PIK3C2G: variants seen among roughly 807,000 people sequenced by gnomAD.
PIK3C2G encodes phosphatidylinositol 3-kinase C2 domain-containing subunit gamma.
Under a neutral mutation model 181.1 loss-of-function variants are expected in PIK3C2G, and 168 were observed. The observed-to-expected ratio is 0.93, with a 90% confidence interval of 0.82 to 1.05. The LOEUF (loss-of-function observed/expected upper bound fraction) is 1.05, where lower values mean the gene tolerates loss of function less well. Among genes scored for constraint, PIK3C2G ranks in the 50% least tolerant of loss-of-function variants. The pLI, the probability that PIK3C2G is intolerant of heterozygous loss-of-function variation, is 0.00. For synonymous variants in PIK3C2G, 573 were observed against 592.2 expected, an observed-to-expected ratio of 0.97 and a Z score of 0.47; for missense variants, 1,869 against 1,732.8, an observed-to-expected ratio of 1.08 and a Z score of -1.40.
intron 29 of PIK3C2G, among the ~76,000 whole-genome samples, chr12:18,574,407 T>C (rs1021106515): frequency 2.6e-5 from 4 of 152,208 alleles, no homozygotes; most frequent in Admixed American, 1.3e-4. Flanking sequence ...AAAACTTATC[T>C]GTAACATTCA....
intron 5 of PIK3C2G, among the ~76,000 whole-genome samples, chr12:18,301,446 G>C (rs2137289283): frequency 6.6e-6 from 1 of 152,076 alleles, no homozygotes; most frequent in East Asian, 1.9e-4. Flanking sequence ...TATTTCAAAA[G>C]ACCTATTATG....
At chr12:18,692,451 C>T in the PIK3C2G span, among the ~76,000 whole-genome samples, 4 of 152,044 alleles carry the variant, frequency 2.6e-5, no homozygotes, top group South Asian at 6.2e-4. Context: ...AAAAGAAAAA[C>T]GTTTTGAAAA....
the PIK3C2G span, among the ~76,000 whole-genome samples, chr12:18,656,176 C>T: frequency 6.2e-4 from 94 of 152,278 alleles, 1 homozygote; most frequent in Admixed American, 2.0e-3. Flanking sequence ...CACCTGTAAT[C>T]CCAGCACTTT....
chr12:18,461,636 C>T (rs1947923700), intron 18 of PIK3C2G, among the ~76,000 whole-genome samples: 1 of 152,152 alleles, frequency 6.6e-6, no homozygotes, highest in African/African-American at 2.4e-5. Context: ...TTAATAGTGT[C>T]TAATTGTTGA....
chr12:18,257,580 C>G (rs1055525125), upstream of PIK3C2G, among the ~76,000 whole-genome samples: 4 of 151,140 alleles, frequency 2.6e-5, no homozygotes, highest in African/African-American at 9.7e-5. Flanking sequence ...AGAATAGATA[C>G]TGCAGTATTG....
At chr12:18,569,369 C>T (rs1272052982) in intron 29 of PIK3C2G, among the ~76,000 whole-genome samples, 1 of 151,912 alleles carries the variant, frequency 6.6e-6, no homozygotes, top group African/African-American at 2.4e-5. Context: ...AGCAGAACAC[C>T]CAGCTGAGCC....
chr12:18,253,058 A>T (rs1948110421), intron 1 of PIK3C2G, among the ~76,000 whole-genome samples: 1 of 152,168 alleles, frequency 6.6e-6, no homozygotes. Context: ...TTCAAAACTC[A>T]TCAAGCTGTG....
At chr12:18,423,299 A>T (rs1355609050) in intron 17 of PIK3C2G, among the ~76,000 whole-genome samples, 2 of 152,102 alleles carry the variant, frequency 1.3e-5, no homozygotes, top group Non-Finnish European at 2.9e-5. Flanking sequence ...TGATGATAGC[A>T]GCTCAGCTAC....
intron 11 of PIK3C2G, among the ~76,000 whole-genome samples, chr12:18,350,749 C>G (rs1440597537): frequency 6.6e-6 from 1 of 152,118 alleles, no homozygotes; most frequent in Non-Finnish European, 1.5e-5. Context: ...ACATAATGGA[C>G]TCTGAATCAA....
chr12:18,303,037 G>A (rs1018658574), intron 5 of PIK3C2G, among the ~76,000 whole-genome samples: 8 of 152,166 alleles, frequency 5.3e-5, no homozygotes, highest in African/African-American at 1.9e-4. Flanking sequence ...ACACACAGAT[G>A]CAGTAGGCTG....
intron 16 of PIK3C2G, among the ~76,000 whole-genome samples, chr12:18,404,234 G>A (rs1461285076): frequency 3.9e-5 from 6 of 152,010 alleles, no homozygotes; most frequent in Non-Finnish European, 8.8e-5. Context: ...TAGAAAGAAT[G>A]GAATATGGCA....
At chr12:18,506,270 G>A (rs1429022989) in intron 24 of PIK3C2G, among the ~76,000 whole-genome samples, 1 of 152,136 alleles carries the variant, frequency 6.6e-6, no homozygotes, top group Non-Finnish European at 1.5e-5. Flanking sequence ...AGAGGGGCGG[G>A]CAGTAGGAGG....
At chr12:18,471,197 C>T (rs1201876182) in intron 18 of PIK3C2G, among the ~76,000 whole-genome samples, 2 of 152,082 alleles carry the variant, frequency 1.3e-5, no homozygotes, top group African/African-American at 4.8e-5. Context: ...GGAAGGAAAG[C>T]GATGCTCCAG....
intron 31 of PIK3C2G, among the ~76,000 whole-genome samples, chr12:18,619,908 T>G (rs1339929734): frequency 1.2e-4 from 18 of 152,070 alleles, no homozygotes; most frequent in Admixed American, 1.2e-3. Flanking sequence ...GTATTTTTAG[T>G]AGAGACAGGG....
At chr12:18,247,431 G>C (rs890798378), upstream of PIK3C2G, among the ~76,000 whole-genome samples, 1 of 152,128 alleles carries the variant, frequency 6.6e-6, no homozygotes, top group Non-Finnish European at 1.5e-5. Context: ...TAGGAGTGGA[G>C]GTTTAATCTG....
At chr12:18,715,669 T>G in the PIK3C2G span, 1 of 152,264 alleles carries the variant, frequency 6.6e-6, no homozygotes, top group African/African-American at 2.4e-5. Context: ...TTTTGTTTTT[T>G]TGTTGTTGTT....
chr12:18,555,245 A>C lies in PIK3C2G; in HGVS notation c.3591-7458A>C, dbSNP rs982054136. ...AGGTGTTGCCTAAGAACCTTGGTTC[A>C]ACTGCCAATGGCATCGTAGTCATCT... On this transcript the variant is annotated intron_variant, in intron 26 of 32. Transcript: ENST00000538779. 2.0e-5 allele frequency among the ~76,000 whole-genome samples: 3 copies of C among 152,190 alleles called. No individual in the cohort carries two copies. In the South Asian group the frequency reaches 6.2e-4, roughly 32 times the overall value.
intron 8 of PIK3C2G, among the ~76,000 whole-genome samples, chr12:18,327,779 A>T (rs1422655209): frequency 6.6e-6 from 1 of 152,066 alleles, no homozygotes; most frequent in African/African-American, 2.4e-5. Context: ...GTATCACTGA[A>T]TGCTTACTTC....
the PIK3C2G span, among the ~76,000 whole-genome samples, chr12:18,682,090 G>A: frequency 1.2e-3 from 178 of 152,116 alleles, 2 homozygotes; most frequent in Middle Eastern, 6.8e-3. Context: ...GGAAGGGTGT[G>A]CACTGATCTT....
Sources: allele counts gnomAD v4.1 joint callset (sites outside exome capture counted in the v4.1 genomes callset), GRCh38; gene constraint gnomAD v4.1.1; transcripts MANE v1.5; gene names NCBI Gene and HGNC (gene_info 2026-07-23, HGNC 2026-07-21).